Variants in SORCS2 observed in about 807,000 individuals in gnomAD.
SORCS2 encodes sortilin related VPS10 domain containing receptor 2.
In SORCS2, 100 loss-of-function variants were observed where a neutral mutation model predicts 141.6. The ratio of observed to expected loss-of-function variants is 0.71; its 90% CI spans 0.60 to 0.83. The LOEUF (loss-of-function observed/expected upper bound fraction) is 0.83. Among genes scored for constraint, SORCS2 ranks in the 40% least tolerant of loss-of-function variants. The probability of loss-of-function intolerance (pLI) is 0.00; values close to 1 mark genes in which losing one functional copy is unlikely to be tolerated. For missense variants in SORCS2, 1,646 were observed against 1,560.2 expected, an observed-to-expected ratio of 1.05 and a Z score of -0.93; for synonymous variants, 789 against 676.9, an observed-to-expected ratio of 1.17 and a Z score of -2.57.
chr4:7,614,854 GTCCA>G (rs2108815999), intron 3 of SORCS2, among the ~76,000 whole-genome samples: 1 of 145,032 alleles, frequency 6.9e-6, no homozygotes, highest in South Asian at 2.2e-4. Flanking sequence ...CTTATCCACT[GTCCA>G]TCCATCCCTC....
At chr4:7,345,085 A>C (rs1274207808) in intron 1 of SORCS2, among the ~76,000 whole-genome samples, 1 of 152,154 alleles carries the variant, frequency 6.6e-6, no homozygotes, top group African/African-American at 2.4e-5. Context: ...TGGATGGATT[A>C]GAGGGGGAAG....
At chr4:7,318,105 T>A (rs1718677883) in intron 1 of SORCS2, among the ~76,000 whole-genome samples, 1 of 152,222 alleles carries the variant, frequency 6.6e-6, no homozygotes. Context: ...ACCTCATTAT[T>A]GAGTACCTAC....
intron 1 of SORCS2, among the ~76,000 whole-genome samples, chr4:7,267,867 G>C (rs1291138272): frequency 6.6e-6 from 1 of 152,202 alleles, no homozygotes; most frequent in African/African-American, 2.4e-5. Context: ...GGTCATCGGG[G>C]GTCTGTCAGT....
intron 2 of SORCS2, among the ~76,000 whole-genome samples, chr4:7,419,268 T>A (rs979787176): frequency 8.5e-5 from 13 of 152,158 alleles, no homozygotes; most frequent in African/African-American, 3.1e-4. Flanking sequence ...AGACAGGCAG[T>A]TCCATAGGGT....
chr4:7,525,928 A>AGT (rs1365856146), intron 2 of SORCS2, among the ~76,000 whole-genome samples: 3 of 11,168 alleles, frequency 2.7e-4, no homozygotes, highest in Admixed American at 1.1e-3. Context: ...TCCCCTCCTC[A>AGT]CACCTGTCCC....
At chr4:7,729,765 C>T (rs1577131192) in intron 23 of SORCS2, 53 bp downstream of exon 23, 9 of 1,573,970 alleles carry the variant, frequency 5.7e-6, no homozygotes, top group East Asian at 2.3e-5. Context: ...TCCCAGGGCT[C>T]GGGTCATTTA....
In SORCS2 at chr4:7,717,841, G is replaced by A. The variant is rs569242192; in HGVS notation, c.2253-171G>A. Among the ~76,000 whole-genome samples the A allele has an allele frequency of 7.9e-5, 12 of 152,334 alleles. No homozygotes were observed. In the South Asian group the frequency reaches 2.5e-3, roughly 32 times the overall value. On this transcript the variant is annotated intron_variant, in intron 17 of 26. Coordinates refer to ENST00000507866, the MANE Select transcript of SORCS2 (RefSeq NM_020777.3). ...GTGTTCTCATCTCTAAAATGGGGCT[G>A]TAACAGCAATCAGGTGGAGTCAGGA...
At chr4:7,694,777 C>A (rs550955129) in intron 11 of SORCS2, among the ~76,000 whole-genome samples, 71 of 152,326 alleles carry the variant, frequency 4.7e-4, no homozygotes, top group African/African-American at 1.4e-3. Flanking sequence ...CCACACCTGC[C>A]CCTCTGCCCC....
At chr4:7,685,859 C>G (rs1723841510) in intron 10 of SORCS2, among the ~76,000 whole-genome samples, 3 of 152,108 alleles carry the variant, frequency 2.0e-5, no homozygotes, top group African/African-American at 4.8e-5. Context: ...AATGGGCAAA[C>G]TGTACCTGAG....
intron 2 of SORCS2, among the ~76,000 whole-genome samples, chr4:7,520,840 GGGTC>G (rs1733283846): frequency 6.6e-6 from 1 of 152,222 alleles, no homozygotes; most frequent in South Asian, 2.1e-4. Context: ...CTCCTGCACT[GGGTC>G]GGGCTGCAGT....
intron 2 of SORCS2, among the ~76,000 whole-genome samples, chr4:7,468,859 C>T (rs1451385357): frequency 3.3e-5 from 5 of 152,198 alleles, no homozygotes; most frequent in East Asian, 3.8e-4. Context: ...TCCAAAACGC[C>T]GTATCTGTTG....
At chr4:7,506,427 G>A (rs542644628) in intron 2 of SORCS2, among the ~76,000 whole-genome samples, 42 of 152,188 alleles carry the variant, frequency 2.8e-4, no homozygotes, top group Non-Finnish European at 5.4e-4. Flanking sequence ...GCCAGCAGCT[G>A]CAGGCAGAAT....
intron 1 of SORCS2, among the ~76,000 whole-genome samples, chr4:7,357,555 A>ATTATT: frequency 6.6e-6 from 1 of 152,248 alleles, no homozygotes; most frequent in East Asian, 1.9e-4. Flanking sequence ...CTAATCTTCA[A>ATTATT]CAGTGCTAAT....
chr4:7,631,113 C>G (rs1367690752), intron 3 of SORCS2, among the ~76,000 whole-genome samples: 1 of 147,692 alleles, frequency 6.8e-6, no homozygotes, highest in Non-Finnish European at 1.5e-5. Context: ...AGCTGCCAGG[C>G]AGACTGGGAC....
chr4:7,460,992 G>A (rs957707520), intron 2 of SORCS2, among the ~76,000 whole-genome samples: 3 of 152,036 alleles, frequency 2.0e-5, no homozygotes, highest in Non-Finnish European at 4.4e-5. Flanking sequence ...TCCTCGTGCT[G>A]CTCCTTGCCA....
At chr4:7,265,095 G>T (rs956584808) in intron 1 of SORCS2, among the ~76,000 whole-genome samples, 3 of 152,224 alleles carry the variant, frequency 2.0e-5, no homozygotes, top group Non-Finnish European at 4.4e-5. Context: ...CTCCATTCGG[G>T]GGTGTGTTAA....
intron 1 of SORCS2, among the ~76,000 whole-genome samples, chr4:7,239,711 A>G (rs1712554422): frequency 1.3e-5 from 2 of 152,350 alleles, no homozygotes; most frequent in South Asian, 4.1e-4. Context: ...CTTGTAAAGC[A>G]AAAAGCAGGG....
At chr4:7,390,031 C>T (rs1343661617) in intron 1 of SORCS2, among the ~76,000 whole-genome samples, 2 of 152,292 alleles carry the variant, frequency 1.3e-5, no homozygotes, top group East Asian at 1.9e-4. Context: ...TTTCCAGGAG[C>T]TCCCGGGAAG....
intron 1 of SORCS2, among the ~76,000 whole-genome samples, chr4:7,208,924 C>T (rs1392634449): frequency 2.0e-5 from 3 of 152,206 alleles, no homozygotes; most frequent in Admixed American, 6.5e-5. Flanking sequence ...GGGTGGGCAG[C>T]GTGTGGAGGG....
Sources: gnomAD v4.1 joint callset for allele counts (sites outside exome capture counted in the v4.1 genomes callset) on GRCh38, gnomAD v4.1.1 for gene constraint, MANE v1.5 for transcripts, NCBI Gene and HGNC (gene_info 2026-07-23, HGNC 2026-07-21) for gene names.